Variants in PDE4D observed in about 807,000 individuals in gnomAD.
The protein encoded by PDE4D is phosphodiesterase 4D.
In PDE4D, 24 loss-of-function variants were observed where a neutral mutation model predicts 87.4. That is an observed-to-expected ratio of 0.27 (90% CI 0.20 to 0.39). The LOEUF (loss-of-function observed/expected upper bound fraction) is 0.39. Among genes scored for constraint, PDE4D ranks in the 10% least tolerant of loss-of-function variants. The pLI is 1.00. For missense variants in PDE4D, 714 were observed against 1,041.0 expected, an observed-to-expected ratio of 0.69 and a Z score of 4.32; for synonymous variants, 384 against 383.2, an observed-to-expected ratio of 1.00 and a Z score of -0.02.
chr5:59,306,224 G>A (rs1334360880), intron 1 of PDE4D, among the ~76,000 whole-genome samples: 1 of 152,088 alleles, frequency 6.6e-6, no homozygotes, highest in Non-Finnish European at 1.5e-5. Context: ...CTGGCTTTTG[G>A]TGTCCATTTG....
intron 1 of PDE4D, among the ~76,000 whole-genome samples, chr5:60,319,532 CTGCG>C (rs529171976): frequency 3.2e-4 from 49 of 152,344 alleles, no homozygotes; most frequent in African/African-American, 1.2e-3. Context: ...TGATGAGGAG[CTGCG>C]TTCCTTTGGA....
At chr5:59,135,718 A>C (rs1390551546) in intron 5 of PDE4D, among the ~76,000 whole-genome samples, 4 of 126,662 alleles carry the variant, frequency 3.2e-5, no homozygotes, top group Non-Finnish European at 6.8e-5. Context: ...TGATAGGGAC[A>C]TCATTTTGAA....
rs143647183 is a variant in PDE4D, at chr5:59,682,522, T to C, written c.455+210646A>G. 3.9e-4 allele frequency among the ~76,000 whole-genome samples: 59 copies of C among 152,290 alleles called. No individual in the cohort carries two copies. The East Asian group carries it at 8.9e-3, about 23-fold the overall frequency. On this transcript the variant is annotated intron_variant, in intron 1 of 14. Transcript: ENST00000340635. ...TTTACGTTGCCTCCAAATTCATATGTTGAAACTTAATCAGCAATATGATGG... is the reference window on the plus strand; with the variant it reads ...TTTACGTTGCCTCCAAATTCATATGCTGAAACTTAATCAGCAATATGATGG...
At chr5:59,257,438 C>T (rs1320163737) in intron 1 of PDE4D, among the ~76,000 whole-genome samples, 1 of 152,048 alleles carries the variant, frequency 6.6e-6, no homozygotes, top group Non-Finnish European at 1.5e-5. Context: ...CGGCTTACAT[C>T]TGTCTTTTGC....
At chr5:60,264,824 A>C (rs1750016401) in intron 1 of PDE4D, among the ~76,000 whole-genome samples, 1 of 152,308 alleles carries the variant, frequency 6.6e-6, no homozygotes, top group African/African-American at 2.4e-5. Flanking sequence ...TTATGGAGTG[A>C]CAACATTTTG....
At chr5:59,847,367 C>T (rs1306969616) in intron 1 of PDE4D, among the ~76,000 whole-genome samples, 3 of 151,902 alleles carry the variant, frequency 2.0e-5, no homozygotes, top group Non-Finnish European at 2.9e-5. Flanking sequence ...GATTTCAGTC[C>T]CTGAGTTGAA....
intron 1 of PDE4D, among the ~76,000 whole-genome samples, chr5:59,451,607 C>T (rs1582668357): frequency 6.6e-6 from 1 of 152,196 alleles, no homozygotes; most frequent in African/African-American, 2.4e-5. Context: ...CTAACCCTTT[C>T]CTCAATCTTG....
chr5:59,316,005 G>A (rs1773645963), intron 1 of PDE4D, among the ~76,000 whole-genome samples: 1 of 152,134 alleles, frequency 6.6e-6, no homozygotes, highest in Non-Finnish European at 1.5e-5. Flanking sequence ...CCTTCCAAAT[G>A]TACTTTGCTT....
At chr5:59,381,455 A>C (rs1318400142) in intron 1 of PDE4D, among the ~76,000 whole-genome samples, 1 of 151,872 alleles carries the variant, frequency 6.6e-6, no homozygotes, top group Non-Finnish European at 1.5e-5. Flanking sequence ...ATAATTAATA[A>C]TAATATTTGC....
At chr5:59,077,819 T>A (rs1765971877) in intron 5 of PDE4D, among the ~76,000 whole-genome samples, 1 of 152,056 alleles carries the variant, frequency 6.6e-6, no homozygotes, top group African/African-American at 2.4e-5. Flanking sequence ...ACAGCAACCT[T>A]CCAGCTCTAG....
At chr5:59,880,943 GA>G (rs1561809496) in intron 1 of PDE4D, among the ~76,000 whole-genome samples, 2 of 152,186 alleles carry the variant, frequency 1.3e-5, no homozygotes, top group East Asian at 3.9e-4. Context: ...CATGTCAACA[GA>G]AGTAATGACT....
rs192936919 is a variant in PDE4D, at chr5:59,179,876, A to G, written c.808+719T>C. On this transcript the variant is annotated intron_variant, in intron 5 of 14. Coordinates refer to ENST00000340635, the MANE Select transcript of PDE4D (RefSeq NM_001104631.2). ...TTCAAGAAATAGTCAAAAGAGTTCA[A>G]TTTGGTTTCAGGTTCAGCAAAATGA... 8.5e-5 allele frequency among the ~76,000 whole-genome samples: 13 copies of G among 152,308 alleles called. No individual in the cohort carries two copies. The East Asian group carries it at 2.1e-3, about 25-fold the overall frequency.
At chr5:60,324,407 T>C (rs1392458079) in intron 1 of PDE4D, among the ~76,000 whole-genome samples, 3 of 152,228 alleles carry the variant, frequency 2.0e-5, no homozygotes, top group Non-Finnish European at 2.9e-5. Flanking sequence ...GCCTAAAAGA[T>C]GACAGGTCTC....
intron 1 of PDE4D, among the ~76,000 whole-genome samples, chr5:60,415,703 C>G (rs566844901): frequency 2.1e-4 from 32 of 152,384 alleles, no homozygotes; most frequent in Admixed American, 2.6e-4. Context: ...CCCACACCCC[C>G]ACCATGGGCT....
At chr5:59,876,053 C>A (rs1748557082) in intron 1 of PDE4D, among the ~76,000 whole-genome samples, 1 of 152,110 alleles carries the variant, frequency 6.6e-6, no homozygotes, top group Non-Finnish European at 1.5e-5. Flanking sequence ...CTACAACAAG[C>A]CCCCATGACA....
At chr5:59,413,057 C>T (rs920201397) in intron 1 of PDE4D, among the ~76,000 whole-genome samples, 1 of 152,158 alleles carries the variant, frequency 6.6e-6, no homozygotes, top group African/African-American at 2.4e-5. Flanking sequence ...ACACTGTTGC[C>T]TGTGGCAATT....
chr5:59,819,163 C>A (rs1365510564), intron 1 of PDE4D, among the ~76,000 whole-genome samples: 1 of 152,138 alleles, frequency 6.6e-6, no homozygotes, highest in African/African-American at 2.4e-5. Flanking sequence ...CCAGGCTATG[C>A]TTTTATGGAG....
intron 5 of PDE4D, among the ~76,000 whole-genome samples, chr5:59,069,752 G>A (rs1764458732): frequency 6.6e-6 from 1 of 151,736 alleles, no homozygotes; most frequent in Non-Finnish European, 1.5e-5. Flanking sequence ...CTTGTTATGA[G>A]GACCAGTGTT....
chr5:59,040,886 C>T (rs761800708), intron 5 of PDE4D, among the ~76,000 whole-genome samples: 31 of 152,076 alleles, frequency 2.0e-4, no homozygotes, highest in Non-Finnish European at 3.7e-4. Flanking sequence ...AATTTAGGCT[C>T]CTGGGATTTT....
Sources: gnomAD v4.1 joint callset for allele counts (sites outside exome capture counted in the v4.1 genomes callset) on GRCh38, gnomAD v4.1.1 for gene constraint, MANE v1.5 for transcripts, NCBI Gene and HGNC (gene_info 2026-07-23, HGNC 2026-07-21) for gene names.